NAV3: variants seen among roughly 807,000 people sequenced by gnomAD.
The protein encoded by NAV3 is neuron navigator 3.
In NAV3, 87 loss-of-function variants were observed where a neutral mutation model predicts 244.7. That is an observed-to-expected ratio of 0.36 (90% confidence interval 0.30 to 0.42). NAV3 has a LOEUF of 0.42. Among genes scored for constraint, NAV3 ranks in the 20% least tolerant of loss-of-function variants. The pLI, the probability that NAV3 is intolerant of heterozygous loss-of-function variation, is 1.00. For missense variants in NAV3, 2,663 were observed against 2,893.3 expected, an observed-to-expected ratio of 0.92 and a Z score of 1.83; for synonymous variants, 1,126 against 1,042.2, an observed-to-expected ratio of 1.08 and a Z score of -1.55.
chr12:77,750,987 A>T, intron 2 of NAV3, among the ~76,000 whole-genome samples: 1 of 152,194 alleles, frequency 6.6e-6, no homozygotes, highest in Non-Finnish European at 1.5e-5. Flanking sequence ...CTGCAGTCTC[A>T]CAACTAACTG....
At chr12:77,856,312 T>A (rs1878388090) in intron 1 of NAV3, among the ~76,000 whole-genome samples, 1 of 152,198 alleles carries the variant, frequency 6.6e-6, no homozygotes, top group African/African-American at 2.4e-5. Context: ...GAATAAATAA[T>A]GCTTTATGAA....
intron 2 of NAV3, among the ~76,000 whole-genome samples, chr12:77,593,270 G>T (rs1182738839): frequency 2.1e-5 from 1 of 46,564 alleles, no homozygotes; most frequent in Admixed American, 3.2e-4. Context: ...ATGAGTGTGT[G>T]TATGTGTGTC....
At chr12:78,085,682 G>C (rs1205726063) in intron 12 of NAV3, among the ~76,000 whole-genome samples, 1 of 152,040 alleles carries the variant, frequency 6.6e-6, no homozygotes, top group Admixed American at 6.6e-5. Context: ...TTCAGGAGGA[G>C]ATGTCAGGCA....
At chr12:77,856,004 A>G (rs928565913) in intron 1 of NAV3, among the ~76,000 whole-genome samples, 2 of 152,242 alleles carry the variant, frequency 1.3e-5, no homozygotes, top group East Asian at 1.9e-4. Flanking sequence ...AATAAATGCT[A>G]TAATGTTTAT....
At chr12:77,930,229 C>T (rs1888647505) in intron 1 of NAV3, among the ~76,000 whole-genome samples, 1 of 152,082 alleles carries the variant, frequency 6.6e-6, no homozygotes, top group Non-Finnish European at 1.5e-5. Context: ...TTCTTCTCTG[C>T]ACTACCCCCA....
intron 12 of NAV3, among the ~76,000 whole-genome samples, chr12:78,101,304 G>A (rs1221175210): frequency 1.3e-5 from 2 of 152,104 alleles, no homozygotes; most frequent in Non-Finnish European, 2.9e-5. Context: ...ATGTGGAAGA[G>A]GTAAAGTGTC....
chr12:77,937,981 T>TA (rs1293585618), intron 1 of NAV3, among the ~76,000 whole-genome samples: 3 of 152,172 alleles, frequency 2.0e-5, no homozygotes. Flanking sequence ...GACTTTTTTT[T>TA]ACAAGAGGAA....
At chr12:78,123,343 A>ATTTTTT (rs144071808) in intron 16 of NAV3, among the ~76,000 whole-genome samples, 1 of 149,354 alleles carries the variant, frequency 6.7e-6, no homozygotes, top group African/African-American at 2.5e-5. Context: ...TGTTTTTTTT[A>ATTTTTT]TTTTTTTTTT....
chr12:77,763,692 GGA>G (rs909782286), intron 2 of NAV3, among the ~76,000 whole-genome samples: 17 of 152,084 alleles, frequency 1.1e-4, no homozygotes, highest in Non-Finnish European at 1.5e-5. Context: ...CCTGTGGGAG[GGA>G]CCCCTTGCCA....
intron 32 of NAV3, 21 bp downstream of exon 32, chr12:78,188,364 T>C: frequency 1.9e-6 from 3 of 1,545,258 alleles, no homozygotes; most frequent in Non-Finnish European, 2.7e-6. Flanking sequence ...CAAGACACCC[T>C]AATAGTACTT....
intron 5 of NAV3, among the ~76,000 whole-genome samples, chr12:77,979,712 G>A (rs28402858): frequency 0.015 from 1,775 of 121,342 alleles, 19 homozygotes; most frequent in African/African-American, 0.029. Flanking sequence ...AAAAAAAAAA[G>A]AAAAAAAAAA....
chr12:77,964,030 C>A (rs61936161), intron 3 of NAV3, among the ~76,000 whole-genome samples: 47,070 of 145,250 alleles, frequency 0.32, 8,206 homozygotes, highest in East Asian at 0.47. Context: ...CCCTCCTCCT[C>A]CTTTTTCTCC....
chr12:77,778,613 G>GAAA (rs746919824), intron 2 of NAV3, among the ~76,000 whole-genome samples: 6 of 58,132 alleles, frequency 1.0e-4, no homozygotes, highest in Non-Finnish European at 1.8e-4. Flanking sequence ...CTCCGTCTCA[G>GAAA]AAAAAAAAAA....
At chr12:77,700,021 T>A (rs770533) in intron 2 of NAV3, among the ~76,000 whole-genome samples, 130,014 of 152,162 alleles carry the variant, frequency 0.85, 56,989 homozygotes, top group East Asian at 1. Flanking sequence ...AATCTATGGA[T>A]GTAAACTGCC....
chr12:77,889,612 G>A (rs141164253), intron 1 of NAV3, among the ~76,000 whole-genome samples: 329 of 152,180 alleles, frequency 2.2e-3, no homozygotes, highest in African/African-American at 7.3e-3. Flanking sequence ...AACTCTATAA[G>A]TTGTTATGTT....
intron 18 of NAV3, 140 bp downstream of exon 18, chr12:78,129,006 G>A: frequency 1.4e-6 from 1 of 738,466 alleles, no homozygotes; most frequent in East Asian, 2.7e-5. Context: ...TTTCATTTGT[G>A]TCATTGTTTA....
intron 8 of NAV3, 149 bp downstream of exon 8, chr12:78,007,594 C>A: frequency 1.2e-6 from 1 of 829,746 alleles, no homozygotes. Flanking sequence ...GAATTCAGTG[C>A]GGAATCTTAG....
intron 2 of NAV3, among the ~76,000 whole-genome samples, chr12:77,740,893 C>A (rs1465236210): frequency 6.6e-6 from 1 of 151,814 alleles, no homozygotes; most frequent in African/African-American, 2.4e-5. Context: ...AGAATTGAAG[C>A]CTCTTACACC....
chr12:77,675,331 A>G (rs2137091548), intron 2 of NAV3, among the ~76,000 whole-genome samples: 1 of 152,290 alleles, frequency 6.6e-6, no homozygotes, highest in South Asian at 2.1e-4. Flanking sequence ...CAGTTCTTAG[A>G]GTACATTTTC....
Sources: gnomAD v4.1 joint callset for allele counts (sites outside exome capture counted in the v4.1 genomes callset) on GRCh38, gnomAD v4.1.1 for gene constraint, MANE v1.5 for transcripts, NCBI Gene and HGNC (gene_info 2026-07-23, HGNC 2026-07-21) for gene names.